Variants in CRIM1 observed in about 807,000 individuals in gnomAD.
The protein encoded by CRIM1 is cysteine rich transmembrane BMP regulator 1.
In CRIM1, 32 loss-of-function variants were observed where a neutral mutation model predicts 116.4. The ratio of observed to expected loss-of-function variants is 0.27; its 90% CI spans 0.21 to 0.37. The LOEUF is 0.37. Among genes scored for constraint, CRIM1 ranks in the 10% least tolerant of loss-of-function variants. The pLI is 1.00. For synonymous variants in CRIM1, 590 were observed against 509.2 expected (o/e 1.16, Z -2.13); for missense variants, 1,331 against 1,354.8 (o/e 0.98, Z 0.28).
At chr2:36,436,549 C>A (rs1675326518) in intron 2 of CRIM1, among the ~76,000 whole-genome samples, 1 of 152,078 alleles carries the variant, frequency 6.6e-6, no homozygotes, top group Non-Finnish European at 1.5e-5. Context: ...TTTTACAGAT[C>A]CCTCTTGGAA....
At chr2:36,432,548 C>T (rs966077888) in intron 2 of CRIM1, among the ~76,000 whole-genome samples, 1 of 152,148 alleles carries the variant, frequency 6.6e-6, no homozygotes. Context: ...CTCCCACTCC[C>T]CAGTCCTTCC....
At chr2:36,389,987 T>C (rs978377667) in intron 1 of CRIM1, among the ~76,000 whole-genome samples, 3 of 152,144 alleles carry the variant, frequency 2.0e-5, no homozygotes, top group Admixed American at 2.0e-4. Context: ...ATGCTTCATA[T>C]CCTTCTCAGT....
chr2:36,534,629 T>C (rs1367639642), intron 13 of CRIM1, among the ~76,000 whole-genome samples: 2 of 101,346 alleles, frequency 2.0e-5, no homozygotes, highest in African/African-American at 8.0e-5. Flanking sequence ...GGAAGGAAAA[T>C]ACAGACAGGA....
At chr2:36,542,526 C>A (rs377522743) in intron 14 of CRIM1, among the ~76,000 whole-genome samples, 6 of 152,360 alleles carry the variant, frequency 3.9e-5, no homozygotes, top group South Asian at 4.1e-4. Flanking sequence ...TGAGGTGGAA[C>A]TGAATCAATC....
chr2:36,398,550 G>C (rs574161189), intron 2 of CRIM1, among the ~76,000 whole-genome samples: 78 of 152,264 alleles, frequency 5.1e-4, no homozygotes, highest in African/African-American at 1.8e-3. Flanking sequence ...GTGAGATCCA[G>C]CATTTCCAAT....
intron 2 of CRIM1, among the ~76,000 whole-genome samples, chr2:36,398,692 T>C (rs926396547): frequency 1.3e-5 from 2 of 152,242 alleles, no homozygotes; most frequent in African/African-American, 4.8e-5. Context: ...TTAAGGTTAA[T>C]GTATCTTCTA....
At chr2:36,394,841 C>G (rs1310450457) in intron 1 of CRIM1, among the ~76,000 whole-genome samples, 2 of 151,924 alleles carry the variant, frequency 1.3e-5, no homozygotes, top group Non-Finnish European at 2.9e-5. Context: ...TTCAAAGGAC[C>G]GCCCTGAAGC....
At chr2:36,391,766 T>C (rs1487219480) in intron 1 of CRIM1, among the ~76,000 whole-genome samples, 5 of 150,546 alleles carry the variant, frequency 3.3e-5, no homozygotes, top group African/African-American at 1.2e-4. Context: ...TTATTTGCTT[T>C]TTTTTCTTTT....
chr2:36,536,812 T>C (rs1300146443), intron 13 of CRIM1, among the ~76,000 whole-genome samples: 2 of 150,814 alleles, frequency 1.3e-5, no homozygotes. Context: ...GGGAAAAAAA[T>C]GGATTGCCAT....
At chr2:36,492,202 TAATACA>T (rs1680275328) in intron 7 of CRIM1, among the ~76,000 whole-genome samples, 1 of 152,170 alleles carries the variant, frequency 6.6e-6, no homozygotes. Flanking sequence ...GATCACAAAA[TAATACA>T]AATCTTGGGA....
intron 4 of CRIM1, among the ~76,000 whole-genome samples, chr2:36,456,835 T>A (rs1310334740): frequency 2.0e-5 from 3 of 152,116 alleles, no homozygotes; most frequent in Non-Finnish European, 4.4e-5. Flanking sequence ...CCTGATTTTT[T>A]TTTTTTTTAG....
intron 4 of CRIM1, among the ~76,000 whole-genome samples, chr2:36,442,991 A>C (rs954781249): frequency 6.6e-6 from 1 of 152,110 alleles, no homozygotes; most frequent in African/African-American, 2.4e-5. Context: ...GAGGGCTGGG[A>C]CCTATATAAG....
At chr2:36,478,479 G>A (rs1032480277) in intron 6 of CRIM1, among the ~76,000 whole-genome samples, 4 of 152,292 alleles carry the variant, frequency 2.6e-5, no homozygotes, top group South Asian at 2.1e-4. Flanking sequence ...GCTCAACGTA[G>A]AAAAATATGT....
At chr2:36,494,236 A>G (rs1680428160) in intron 7 of CRIM1, among the ~76,000 whole-genome samples, 1 of 152,204 alleles carries the variant, frequency 6.6e-6, no homozygotes, top group African/African-American at 2.4e-5. Context: ...CATTGAGTAG[A>G]TAAAATTGCT....
intron 13 of CRIM1, among the ~76,000 whole-genome samples, chr2:36,522,819 G>A (rs202002827): frequency 5.2e-5 from 6 of 114,808 alleles, no homozygotes; most frequent in African/African-American, 9.8e-5. Flanking sequence ...AAAAAAAGAA[G>A]AAGAAGAAGA....
intron 14 of CRIM1, among the ~76,000 whole-genome samples, chr2:36,539,057 A>C (rs1242258956): frequency 6.6e-6 from 1 of 152,228 alleles, no homozygotes; most frequent in African/African-American, 2.4e-5. Flanking sequence ...AGTAGGGAGA[A>C]GCCAGGCAGC....
At chr2:36,457,933 T>C (rs1677273467) in intron 4 of CRIM1, among the ~76,000 whole-genome samples, 2 of 152,200 alleles carry the variant, frequency 1.3e-5, no homozygotes, top group South Asian at 4.1e-4. Context: ...TGTAGAATCC[T>C]AGTAACACAA....
At chr2:36,422,214 T>G (rs1186009971) in intron 2 of CRIM1, among the ~76,000 whole-genome samples, 1 of 151,932 alleles carries the variant, frequency 6.6e-6, no homozygotes, top group Non-Finnish European at 1.5e-5. Flanking sequence ...TGTCTCTATT[T>G]TGCGGTTTTA....
intron 6 of CRIM1, among the ~76,000 whole-genome samples, chr2:36,478,251 T>C (rs1679139757): frequency 6.6e-6 from 1 of 152,238 alleles, no homozygotes; most frequent in Non-Finnish European, 1.5e-5. Context: ...AGAAAAGTAG[T>C]TTATTTTTTA....
Sources: allele counts gnomAD v4.1 joint callset (sites outside exome capture counted in the v4.1 genomes callset), GRCh38; gene constraint gnomAD v4.1.1; transcripts MANE v1.5; gene names NCBI Gene and HGNC (gene_info 2026-07-23, HGNC 2026-07-21).